Variants in SUCLG2 observed in about 807,000 individuals in gnomAD.
SUCLG2 encodes the protein succinate-CoA ligase GDP-forming subunit beta.
Under a neutral mutation model 47.9 loss-of-function variants are expected in SUCLG2, and 42 were observed. The ratio of observed to expected loss-of-function variants is 0.88; its 90% CI spans 0.69 to 1.14. The LOEUF is 1.14. Among genes scored for constraint, SUCLG2 ranks in the 50% most tolerant of loss-of-function variants. The probability of loss-of-function intolerance (pLI) is 0.00; values close to 1 mark genes in which losing one functional copy is unlikely to be tolerated. For missense variants in SUCLG2, 571 were observed against 525.9 expected (o/e 1.09, Z -0.84); for synonymous variants, 195 against 197.3 (o/e 0.99, Z 0.10).
chr3:67,419,337 C>A (rs557645858), intron 9 of SUCLG2, among the ~76,000 whole-genome samples: 6 of 152,306 alleles, frequency 3.9e-5, no homozygotes, highest in Non-Finnish European at 8.8e-5. Context: ...CTCCTTTGAA[C>A]TTACAAGATA....
At chr3:67,621,164 T>C (rs1375706861) in intron 1 of SUCLG2, among the ~76,000 whole-genome samples, 1 of 152,194 alleles carries the variant, frequency 6.6e-6, no homozygotes, top group Non-Finnish European at 1.5e-5. Context: ...GGCATGGCTG[T>C]GTTCCAATAA....
intron 9 of SUCLG2, among the ~76,000 whole-genome samples, chr3:67,431,568 T>A (rs1359795404): frequency 2.6e-5 from 4 of 151,876 alleles, no homozygotes; most frequent in Non-Finnish European, 4.4e-5. Flanking sequence ...ATAAAAAAGG[T>A]TGAGTTCATG....
intron 3 of SUCLG2, 109 bp downstream of exon 3, chr3:67,528,978 G>T: frequency 2.4e-6 from 2 of 822,238 alleles, no homozygotes; most frequent in South Asian, 1.8e-5. Context: ...TAGTTGCTTT[G>T]GCCCGCTCCT....
chr3:67,557,861 A>C (rs1707202365), intron 2 of SUCLG2, among the ~76,000 whole-genome samples: 1 of 152,180 alleles, frequency 6.6e-6, no homozygotes, highest in African/African-American at 2.4e-5. Context: ...AATCACTGTC[A>C]CTGATTCTAC....
intron 10 of SUCLG2, among the ~76,000 whole-genome samples, chr3:67,400,499 C>T (rs1702657978): frequency 6.6e-6 from 1 of 152,118 alleles, no homozygotes; most frequent in African/African-American, 2.4e-5. Context: ...GGCTTTTGCT[C>T]TGGGGTAATT....
chr3:67,568,068 C>A (rs973274907), intron 2 of SUCLG2, among the ~76,000 whole-genome samples: 1 of 152,206 alleles, frequency 6.6e-6, no homozygotes, highest in African/African-American at 2.4e-5. Flanking sequence ...TCAGTGACTT[C>A]TGTTGTGTGT....
chr3:67,396,256 A>T (rs1702526652), intron 10 of SUCLG2, among the ~76,000 whole-genome samples: 1 of 152,266 alleles, frequency 6.6e-6, no homozygotes, highest in Admixed American at 6.5e-5. Context: ...AAGGATCAAC[A>T]AAATTGATAG....
At position 67,533,441 on chromosome 3, in the gene SUCLG2, C is replaced by T. The variant is rs144876995; in HGVS notation, c.227-4255G>A. ...TTGGAATATCCAGTTCTCAGCACAA[C>T]TGCATCGTGTAATATGTAGCATGGC... On this transcript the variant is annotated intron_variant, in intron 2 of 10. Transcript: ENST00000307227. Among the ~76,000 whole-genome samples the T allele has an allele frequency of 4.4e-3, 673 of 152,268 alleles. 8 individuals carry two copies. The East Asian group carries it at 0.054, about 12-fold the overall frequency.
At chr3:67,601,946 A>T (rs889077668) in intron 2 of SUCLG2, among the ~76,000 whole-genome samples, 1 of 152,140 alleles carries the variant, frequency 6.6e-6, no homozygotes, top group African/African-American at 2.4e-5. Context: ...CGCACCCCCC[A>T]ACTCCAGCCG....
intron 9 of SUCLG2, among the ~76,000 whole-genome samples, chr3:67,423,746 C>A (rs558747569): frequency 6.6e-6 from 1 of 152,314 alleles, no homozygotes; most frequent in East Asian, 1.9e-4. Context: ...GACATTTTAA[C>A]ATTTTTGACA....
intron 9 of SUCLG2, among the ~76,000 whole-genome samples, chr3:67,463,340 G>A (rs951474453): frequency 5.9e-5 from 9 of 152,188 alleles, no homozygotes; most frequent in Non-Finnish European, 8.8e-5. Context: ...TCTTAAAGCA[G>A]GGTGGGGCAC....
intron 9 of SUCLG2, among the ~76,000 whole-genome samples, chr3:67,429,250 C>G (rs1345211428): frequency 1.3e-5 from 2 of 152,232 alleles, no homozygotes; most frequent in Non-Finnish European, 1.5e-5. Context: ...AACAGCTGAT[C>G]TCTCAGCAGA....
At chr3:67,616,292 G>A (rs779952501) in intron 1 of SUCLG2, among the ~76,000 whole-genome samples, 5 of 152,122 alleles carry the variant, frequency 3.3e-5, no homozygotes, top group Non-Finnish European at 5.9e-5. Context: ...AGCCTATTAA[G>A]TCTGAACATG....
intron 9 of SUCLG2, among the ~76,000 whole-genome samples, chr3:67,464,078 G>C (rs1410437005): frequency 6.6e-6 from 1 of 152,194 alleles, no homozygotes; most frequent in African/African-American, 2.4e-5. Context: ...TTAACCTCTG[G>C]ATTTGGACAG....
intron 1 of SUCLG2, 98 bp downstream of exon 1, chr3:67,654,405 C>A (rs1358320853): frequency 4.2e-5 from 43 of 1,023,522 alleles, no homozygotes; most frequent in Non-Finnish European, 5.1e-5. Context: ...AGGGGCCGCG[C>A]AGGGGGTCAG....
intron 2 of SUCLG2, among the ~76,000 whole-genome samples, chr3:67,569,513 C>G (rs914377351): frequency 1.2e-4 from 19 of 152,220 alleles, no homozygotes; most frequent in African/African-American, 4.3e-4. Flanking sequence ...GGCCCAGAGG[C>G]AGAGCATCAT....
intron 9 of SUCLG2, among the ~76,000 whole-genome samples, chr3:67,420,625 G>T (rs1339972707): frequency 1.3e-5 from 2 of 152,106 alleles, no homozygotes; most frequent in Non-Finnish European, 2.9e-5. Flanking sequence ...ATCTCAAGGG[G>T]ACTATCCAAT....
At chr3:67,435,801 A>T (rs1001668090) in intron 9 of SUCLG2, among the ~76,000 whole-genome samples, 1 of 152,216 alleles carries the variant, frequency 6.6e-6, no homozygotes, top group African/African-American at 2.4e-5. Flanking sequence ...TTTTCCCCTT[A>T]AATAACTTCA....
chr3:67,516,039 G>A (rs1024723191), intron 6 of SUCLG2, among the ~76,000 whole-genome samples: 12 of 151,726 alleles, frequency 7.9e-5, no homozygotes, highest in Non-Finnish European at 7.4e-5. Context: ...GATATCTACC[G>A]GTCTGTGAGC....
Sources: allele counts gnomAD v4.1 joint callset (sites outside exome capture counted in the v4.1 genomes callset), GRCh38; gene constraint gnomAD v4.1.1; transcripts MANE v1.5; gene names NCBI Gene and HGNC (gene_info 2026-07-23, HGNC 2026-07-21).